Variants in PDE11A observed in about 807,000 individuals in gnomAD.
The protein encoded by PDE11A is dual 3',5'-cyclic-AMP and -GMP phosphodiesterase 11A.
PDE11A carries 100 observed loss-of-function variants against 100.5 expected under a neutral mutation model. The observed-to-expected ratio is 1.00, with a 90% CI of 0.85 to 1.18. PDE11A has a LOEUF of 1.18. Ranked by LOEUF, PDE11A falls within the 50% of genes most tolerant of loss-of-function variation. PDE11A has a pLI of 0.00. For missense variants in PDE11A, 1,141 were observed against 1,152.6 expected, an observed-to-expected ratio of 0.99 and a Z score of 0.15; for synonymous variants, 381 against 420.8, an observed-to-expected ratio of 0.91 and a Z score of 1.16.
intron 9 of PDE11A, among the ~76,000 whole-genome samples, chr2:177,791,071 T>C (rs1464646914): frequency 6.6e-6 from 1 of 152,164 alleles, no homozygotes; most frequent in Non-Finnish European, 1.5e-5. Flanking sequence ...CATGGTGCTA[T>C]AAAGACACAT....
In PDE11A at chr2:177,858,085, A is replaced by AC. The variant is rs1213879392; in HGVS notation, c.1368-17703_1368-17702insG. Among the ~76,000 whole-genome samples the AC allele has an allele frequency of 8.3e-4, 126 of 152,028 alleles. 1 individual carries two copies. The highest frequency in any genetic ancestry group is 2.4e-3 in the African/African-American group (100 of 41,510). On this transcript the variant is annotated intron_variant, in intron 5 of 19. Coordinates refer to ENST00000286063, the MANE Select transcript of PDE11A (RefSeq NM_016953.4). ...ACTGGATCCCTTCCTTACACCTTAT[A>AC]AAAAATTAATTCAAGATGGATTAAA...
chr2:178,094,023 A>G (rs1487153253), intron 2 of PDE11A, among the ~76,000 whole-genome samples: 1 of 152,224 alleles, frequency 6.6e-6, no homozygotes, highest in Non-Finnish European at 1.5e-5. Context: ...TAAGGAAGAC[A>G]TCAAAACTAA....
At chr2:177,910,603 C>T (rs1255300532) in intron 2 of PDE11A, among the ~76,000 whole-genome samples, 1 of 151,784 alleles carries the variant, frequency 6.6e-6, no homozygotes, top group African/African-American at 2.4e-5. Flanking sequence ...TGAGTCTGTA[C>T]ACGCTTGTGC....
chr2:177,905,226 AACATTGAT>A (rs1450297552), intron 2 of PDE11A, 39 bp from the exon 3 acceptor site: 1 of 1,092,576 alleles, frequency 9.2e-7, no homozygotes, highest in Non-Finnish European at 1.4e-6. Flanking sequence ...AAAACATAAG[AACATTGAT>A]ACATCCCTTG....
intron 1 of PDE11A, among the ~76,000 whole-genome samples, chr2:178,022,422 A>G (rs901847558): frequency 1.3e-5 from 2 of 152,324 alleles, no homozygotes; most frequent in East Asian, 3.9e-4. Flanking sequence ...GGTCATCCAC[A>G]TGGTACAGAT....
At chr2:177,791,114 A>G (rs2082624655) in intron 9 of PDE11A, among the ~76,000 whole-genome samples, 1 of 152,154 alleles carries the variant, frequency 6.6e-6, no homozygotes, top group South Asian at 2.1e-4. Flanking sequence ...ACTATTCACA[A>G]TAGCAAAGAC....
At chr2:177,668,788 C>G (rs1367054552) in intron 18 of PDE11A, among the ~76,000 whole-genome samples, 2 of 152,136 alleles carry the variant, frequency 1.3e-5, no homozygotes, top group Non-Finnish European at 2.9e-5. Context: ...ATCTACTGTG[C>G]TATGCTAGGC....
chr2:177,998,380 C>G (rs1574332280), intron 2 of PDE11A: 2 of 838,076 alleles, frequency 2.4e-6, no homozygotes, highest in Middle Eastern at 3.4e-4. Flanking sequence ...CCTAAAGTCC[C>G]TTTTCCATCC....
At chr2:177,897,318 A>T (rs1288875403) in intron 4 of PDE11A, among the ~76,000 whole-genome samples, 1 of 152,212 alleles carries the variant, frequency 6.6e-6, no homozygotes, top group Non-Finnish European at 1.5e-5. Flanking sequence ...TGAAAGCCAA[A>T]GGGCTTAACA....
chr2:177,804,348 T>C (rs1158892335), intron 9 of PDE11A, among the ~76,000 whole-genome samples: 1 of 151,890 alleles, frequency 6.6e-6, no homozygotes, highest in Non-Finnish European at 1.5e-5. Flanking sequence ...TCACTAATCA[T>C]CAGAGAAATT....
chr2:177,962,056 C>CAAAAA (rs34148492), intron 2 of PDE11A, among the ~76,000 whole-genome samples: 3 of 66,346 alleles, frequency 4.5e-5, no homozygotes, highest in African/African-American at 1.2e-4. Context: ...GACACTGTCT[C>CAAAAA]AAAAAAAAAA....
At chr2:177,856,897 T>C (rs2083843459) in intron 5 of PDE11A, among the ~76,000 whole-genome samples, 1 of 152,000 alleles carries the variant, frequency 6.6e-6, no homozygotes, top group Non-Finnish European at 1.5e-5. Flanking sequence ...GAAATAATGG[T>C]TGAAAACTTC....
intron 19 of PDE11A, among the ~76,000 whole-genome samples, chr2:177,663,658 A>G (rs2080520996): frequency 6.6e-6 from 1 of 152,136 alleles, no homozygotes; most frequent in South Asian, 2.1e-4. Flanking sequence ...TATATCCTAG[A>G]AAGTGGAGAA....
intron 2 of PDE11A, chr2:178,104,248 C>A (rs2087592408): frequency 6.6e-7 from 1 of 1,511,860 alleles, no homozygotes; most frequent in Admixed American, 1.7e-5. Flanking sequence ...AAATCATATG[C>A]TTTATTCTTT....
At chr2:177,796,846 C>T (rs2082714425) in intron 9 of PDE11A, among the ~76,000 whole-genome samples, 1 of 152,168 alleles carries the variant, frequency 6.6e-6, no homozygotes, top group African/African-American at 2.4e-5. Flanking sequence ...TGACCTGAGT[C>T]AACTAACTTA....
intron 2 of PDE11A, among the ~76,000 whole-genome samples, chr2:177,919,638 G>A (rs758809513): frequency 1.3e-5 from 2 of 151,830 alleles, no homozygotes; most frequent in African/African-American, 2.4e-5. Flanking sequence ...AAGTTATAAT[G>A]GGTATTAAAG....
intron 17 of PDE11A, among the ~76,000 whole-genome samples, chr2:177,671,681 A>G (rs999956305): frequency 5.9e-5 from 9 of 152,018 alleles, no homozygotes; most frequent in African/African-American, 1.7e-4. Context: ...TAGGAAAAAC[A>G]CGGTTTTGTG....
At chr2:178,001,002 T>G (rs2086138585) in intron 2 of PDE11A, among the ~76,000 whole-genome samples, 1 of 152,168 alleles carries the variant, frequency 6.6e-6, no homozygotes, top group Admixed American at 6.5e-5. Context: ...AGACAATTCC[T>G]GGCTTTGCAA....
At chr2:177,869,424 A>G (rs898750081) in intron 5 of PDE11A, among the ~76,000 whole-genome samples, 2 of 152,204 alleles carry the variant, frequency 1.3e-5, no homozygotes, top group African/African-American at 4.8e-5. Context: ...GGCCCTGTCT[A>G]TATTTAAACC....
Sources: gnomAD v4.1 joint callset for allele counts (sites outside exome capture counted in the v4.1 genomes callset) on GRCh38, gnomAD v4.1.1 for gene constraint, MANE v1.5 for transcripts, NCBI Gene and HGNC (gene_info 2026-07-23, HGNC 2026-07-21) for gene names.